Variants in RAP2B observed in about 807,000 individuals in gnomAD.
The protein encoded by RAP2B is ras-related protein Rap-2b.
A neutral mutation model predicts 14.4 loss-of-function variants in RAP2B; 6 were observed. That is an observed-to-expected ratio of 0.42 (90% CI 0.23 to 0.82). The LOEUF (loss-of-function observed/expected upper bound fraction) is 0.82. Among genes scored for constraint, RAP2B ranks in the 40% least tolerant of loss-of-function variants. The pLI is 0.30. For synonymous variants in RAP2B, 118 were observed against 113.2 expected (o/e 1.04, Z -0.27); for missense variants, 137 against 248.2 (o/e 0.55, Z 3.01).
In RAP2B at chr3:153,165,183, T is replaced by C. The variant is rs974462218; in HGVS notation, c.*1938T>C. On this transcript the variant is annotated 3_prime_UTR_variant, in exon 1 of 1. Transcript: ENST00000323534. Reference sequence around the variant, plus strand: ...AAGATGGTTTTCAATTCTGAAGTTATACCTAGTGATGTTTTTTGCAGTACA... The same window carrying C: ...AAGATGGTTTTCAATTCTGAAGTTACACCTAGTGATGTTTTTTGCAGTACA... The C allele has an allele frequency of 3.0e-5, 5 of 167,106 alleles. No individual in the cohort carries two copies. Among genetic ancestry groups the C allele is most frequent in the Non-Finnish European group, 5.9e-5 (4 of 68,130 alleles). The allele number at this position is 167,106 out of a possible 1,614,324, so 10.4% of individuals were successfully genotyped here. A position where few individuals can be genotyped will look rare whatever the true frequency, so the allele number is the denominator to read the frequency against.
Position 153,170,462 on chromosome 3 carries a change from G to A in RAP2B, c.*7217G>A, listed in dbSNP as rs1014713718. On this transcript the variant is annotated 3_prime_UTR_variant, in exon 1 of 1. Transcript: ENST00000323534. ...TTTTCACTATAATCTGTGAAATAGT[G>A]TATATTAAACAATAATAGTATATGG... The A allele has an allele frequency of 3.3e-5, 5 of 152,182 alleles. No homozygotes were observed. Among genetic ancestry groups the A allele is most frequent in the Admixed American group, 1.3e-4 (2 of 15,282 alleles). 9.4% of individuals were successfully genotyped at this position (152,182 alleles called of 1,614,324 possible). A position where few individuals can be genotyped will look rare whatever the true frequency, so the allele number is the denominator to read the frequency against.
chr3:153,162,900 C>T lies in RAP2B; in HGVS notation c.207C>T (p.Asp69=), dbSNP rs368395022. ...AGTEQFASMR[D]LYIKNGQGFI... The stretch of plus-strand genomic sequence containing the variant: ...CCGAGCAGTTCGCGTCCATGCGGGA[C>T]CTGTACATCAAGAACGGCCAGGGCT... The change falls in exon 1 of 1, where the codon GAC becomes GAT. Residue 69 remains aspartate (D), a synonymous_variant. Transcript: ENST00000323534. The surrounding 1 kb of genome is among the most constrained non-coding windows in gnomAD (Gnocchi z 4.9). 99 of 1,614,042 alleles carry T rather than the reference C, an allele frequency of 6.1e-5. No individual in the cohort carries two copies. The East Asian group carries it at 1.0e-3, about 17-fold the overall frequency.
In RAP2B at chr3:153,164,529, AG is replaced by A. The variant is rs1265983584; in HGVS notation, c.*1286del. ...TTTGCTTCATTTTGTTTAAATTTTC[AG>A]GTATTTAGCTCCCCTTTCATATTAT... On this transcript the variant is annotated 3_prime_UTR_variant, in exon 1 of 1. Transcript: ENST00000323534. The A allele has an allele frequency of 1.2e-5, 2 of 166,900 alleles. No individual in the cohort carries two copies. The highest frequency in any genetic ancestry group is 4.8e-5 in the African/African-American group (2 of 41,360). 10.3% of individuals were successfully genotyped at this position (166,900 alleles called of 1,614,324 possible). A position where few individuals can be genotyped will look rare whatever the true frequency, so the allele number is the denominator to read the frequency against.
rs1181863173 is a variant in RAP2B, at chr3:153,163,234, G to A, written c.541G>A (p.Val181Met). ...CGATGAGGGCTGCTGCTCGGCCTGCGTGATCCTCTGAGGCGGCCACCGCGC... is the reference window on the plus strand; with the variant it reads ...CGATGAGGGCTGCTGCTCGGCCTGCATGATCCTCTGAGGCGGCCACCGCGC... ...NGDEGCCSAC[V>M]IL The change falls in exon 1 of 1, where the codon GTG becomes ATG. Residue 181 changes from valine to methionine, a missense_variant. Coordinates refer to ENST00000323534, the MANE Select transcript of RAP2B (RefSeq NM_002886.4). The A allele has an allele frequency of 6.4e-7, 1 of 1,564,218 alleles. No homozygotes were observed. Among genetic ancestry groups the A allele is most frequent in the East Asian group, 2.3e-5 (1 of 42,574 alleles).
rs1713679810 is a variant in RAP2B at position 153,169,740 on chromosome 3, G to C, written c.*6495G>C. On this transcript the variant is annotated 3_prime_UTR_variant, in exon 1 of 1. Transcript: ENST00000323534. Reference sequence around the variant, plus strand: ...TTACAGGCGTGAGCCACTGCACCCGGCTGAGATGATAATTTTATTTAAAAA... The same window carrying C: ...TTACAGGCGTGAGCCACTGCACCCGCCTGAGATGATAATTTTATTTAAAAA... The C allele has an allele frequency of 6.6e-6, 1 of 152,004 alleles. No individual in the cohort carries two copies. Among genetic ancestry groups the C allele is most frequent in the South Asian group, 2.1e-4 (1 of 4,816 alleles). 9.4% of individuals were successfully genotyped at this position (152,004 alleles called of 1,614,324 possible).
In RAP2B at chr3:153,163,266, C is replaced by G. The variant is rs1360288525; in HGVS notation, c.*21C>G. The G allele has an allele frequency of 2.7e-6, 4 of 1,506,458 alleles. No individual in the cohort carries two copies. The African/African-American group carries it at 4.2e-5, about 16-fold the overall frequency. The allele number at this position is 1,506,458 out of a possible 1,614,324, so 93.3% of individuals were successfully genotyped here. On this transcript the variant is annotated 3_prime_UTR_variant, in exon 1 of 1. Coordinates refer to ENST00000323534, the MANE Select transcript of RAP2B (RefSeq NM_002886.4). ...TCTGAGGCGGCCACCGCGCGCCGGC[C>G]GCGCTCTGCGCACAAAAGCCAAACG...
Position 153,162,535 on chromosome 3 carries a change from T to TGTAGATC in RAP2B, c.-159_-158insGTAGATC. 2 of 834,696 alleles carry TGTAGATC rather than the reference T, an allele frequency of 2.4e-6. No individual in the cohort carries two copies. Among genetic ancestry groups the TGTAGATC allele is most frequent in the Admixed American group, 3.6e-5 (1 of 27,516 alleles). The allele number at this position is 834,696 out of a possible 1,614,324, so 51.7% of individuals were successfully genotyped here. A position where few individuals can be genotyped will look rare whatever the true frequency, so the allele number is the denominator to read the frequency against. Reference sequence around the variant, plus strand: ...CGGCCGGCCCGGCGCCCGGCCTCCGTTCGGTGGTTTCCGCCCTGCGTTCTC... The same window carrying TGTAGATC: ...CGGCCGGCCCGGCGCCCGGCCTCCGTGTAGATCTCGGTGGTTTCCGCCCTGCGTTCTC... On this transcript the variant is annotated 5_prime_UTR_variant, in exon 1 of 1. Transcript: ENST00000323534. The surrounding 1 kb of genome is among the most constrained non-coding windows in gnomAD (Gnocchi z 4.9).
rs1713429323 is a variant in RAP2B, at chr3:153,162,478, C to T, written c.-216C>T. The T allele has an allele frequency of 2.3e-6, 1 of 431,812 alleles. No homozygotes were observed. Among genetic ancestry groups the T allele is most frequent in the South Asian group, 5.5e-5 (1 of 18,068 alleles). 26.7% of individuals were successfully genotyped at this position (431,812 alleles called of 1,614,324 possible). A position where few individuals can be genotyped will look rare whatever the true frequency, so the allele number is the denominator to read the frequency against. On this transcript the variant is annotated 5_prime_UTR_variant, in exon 1 of 1. Coordinates refer to ENST00000323534, the MANE Select transcript of RAP2B (RefSeq NM_002886.4). The surrounding 1 kb of genome is among the most constrained non-coding windows in gnomAD (Gnocchi z 4.9). ...GCCGCGGACTGCTGCGGGGCCCGGA[C>T]CCGCACCCCAGGGATACGCTGCCGC...
At position 153,170,483 on chromosome 3, in the gene RAP2B, T is replaced by A. The variant is rs972881112; in HGVS notation, c.*7238T>A. On this transcript the variant is annotated 3_prime_UTR_variant, in exon 1 of 1. Coordinates refer to ENST00000323534, the MANE Select transcript of RAP2B (RefSeq NM_002886.4). ...TAGTGTATATTAAACAATAATAGTA[T>A]ATGGAAAAGCACATCTACATGTGTC... 67 of 152,198 alleles carry A rather than the reference T, an allele frequency of 4.4e-4. No homozygotes were observed. Among genetic ancestry groups the A allele is most frequent in the African/African-American group, 1.6e-3 (66 of 41,454 alleles). The allele number at this position is 152,198 out of a possible 1,614,324, so 9.4% of individuals were successfully genotyped here.
In RAP2B at chr3:153,163,346, G is replaced by A. The variant is rs2108015180; in HGVS notation, c.*101G>A. The A allele has an allele frequency of 1.4e-6, 2 of 1,436,696 alleles. No homozygotes were observed. The highest frequency in any genetic ancestry group is 2.5e-5 in the East Asian group (1 of 40,058). 89.0% of individuals were successfully genotyped at this position (1,436,696 alleles called of 1,614,324 possible). On this transcript the variant is annotated 3_prime_UTR_variant, in exon 1 of 1. Transcript: ENST00000323534. Reference sequence around the variant, plus strand: ...TTGCTTTGAGATTGGAGACCACTTTGCATTGGCCAGGGTGTCTTGGGAGCC... The same window carrying A: ...TTGCTTTGAGATTGGAGACCACTTTACATTGGCCAGGGTGTCTTGGGAGCC...
At position 153,163,278 on chromosome 3, in the gene RAP2B, A is replaced by T. The variant is rs991106181; in HGVS notation, c.*33A>T. ...ACCGCGCGCCGGCCGCGCTCTGCGCACAAAAGCCAAACGCATCCGACTCTC... is the reference window on the plus strand; with the variant it reads ...ACCGCGCGCCGGCCGCGCTCTGCGCTCAAAAGCCAAACGCATCCGACTCTC... On this transcript the variant is annotated 3_prime_UTR_variant, in exon 1 of 1. Coordinates refer to ENST00000323534, the MANE Select transcript of RAP2B (RefSeq NM_002886.4). 1.3e-6 allele frequency: 2 copies of T among 1,497,670 alleles called. No homozygotes were observed. Among genetic ancestry groups the T allele is most frequent in the African/African-American group, 2.8e-5 (2 of 70,918 alleles). The allele number at this position is 1,497,670 out of a possible 1,614,324, so 92.8% of individuals were successfully genotyped here.
Position 153,163,249 on chromosome 3 carries a change from G to A in RAP2B, c.*4G>A, listed in dbSNP as rs1559967712. The stretch of plus-strand genomic sequence containing the variant: ...CTCGGCCTGCGTGATCCTCTGAGGC[G>A]GCCACCGCGCGCCGGCCGCGCTCTG... On this transcript the variant is annotated 3_prime_UTR_variant, in exon 1 of 1. Transcript: ENST00000323534. 5 of 1,528,012 alleles carry A rather than the reference G, an allele frequency of 3.3e-6. No homozygotes were observed. The highest frequency in any genetic ancestry group is 3.5e-6 in the Non-Finnish European group (4 of 1,141,608). The allele number at this position is 1,528,012 out of a possible 1,614,324, so 94.7% of individuals were successfully genotyped here.
Position 153,170,137 on chromosome 3 carries a change from A to G in RAP2B, c.*6892A>G, listed in dbSNP as rs902315280. On this transcript the variant is annotated 3_prime_UTR_variant, in exon 1 of 1. Transcript: ENST00000323534. ...TATGTGAGGTTAAGTTTGTCAGAGG[A>G]TTGAAAACGTGGTTGGTTTATTTGT... is the stretch of plus-strand genomic sequence containing the variant. 1 of 152,218 alleles carries G rather than the reference A, an allele frequency of 6.6e-6. No homozygotes were observed. The highest frequency in any genetic ancestry group is 2.4e-5 in the African/African-American group (1 of 41,448). The allele number at this position is 152,218 out of a possible 1,614,324, so 9.4% of individuals were successfully genotyped here. A position where few individuals can be genotyped will look rare whatever the true frequency, so the allele number is the denominator to read the frequency against.
Position 153,163,464 on chromosome 3 carries a change from C to G in RAP2B, c.*219C>G. 1 of 612,028 alleles carries G rather than the reference C, an allele frequency of 1.6e-6. No individual in the cohort carries two copies. Among genetic ancestry groups the G allele is most frequent in the Non-Finnish European group, 2.8e-6 (1 of 351,750 alleles). The allele number at this position is 612,028 out of a possible 1,614,324, so 37.9% of individuals were successfully genotyped here. On this transcript the variant is annotated 3_prime_UTR_variant, in exon 1 of 1. Coordinates refer to ENST00000323534, the MANE Select transcript of RAP2B (RefSeq NM_002886.4). ...ATCCGATACTCTGGTGGAAATGTGGCTCTTTGCAGCATGTACGTTTCTCCC... is the reference window on the plus strand; with the variant it reads ...ATCCGATACTCTGGTGGAAATGTGGGTCTTTGCAGCATGTACGTTTCTCCC...
In RAP2B at chr3:153,167,934, A is replaced by AT. The variant is rs1471555424; in HGVS notation, c.*4693dup. ...TTCTCTTCAACATTAAAAAACAAAGATTTTAAGTTTTCATGGCAAGGGTTC... is the reference window on the plus strand; with the variant it reads ...TTCTCTTCAACATTAAAAAACAAAGATTTTTAAGTTTTCATGGCAAGGGTTC... On this transcript the variant is annotated 3_prime_UTR_variant, in exon 1 of 1. Coordinates refer to ENST00000323534, the MANE Select transcript of RAP2B (RefSeq NM_002886.4). 1.2e-5 allele frequency: 2 copies of AT among 167,050 alleles called. No individual in the cohort carries two copies. Among genetic ancestry groups the AT allele is most frequent in the African/African-American group, 4.8e-5 (2 of 41,450 alleles). The allele number at this position is 167,050 out of a possible 1,614,324, so 10.3% of individuals were successfully genotyped here. A position where few individuals can be genotyped will look rare whatever the true frequency, so the allele number is the denominator to read the frequency against.
Position 153,163,216 on chromosome 3 carries a change from G to C in RAP2B, c.523G>C (p.Gly175Arg). 6.3e-7 allele frequency: 1 copy of C among 1,583,592 alleles called. No homozygotes were observed. Among genetic ancestry groups the C allele is most frequent in the Non-Finnish European group, 8.6e-7 (1 of 1,165,612 alleles). The change falls in exon 1 of 1, where the codon GGC becomes CGC. Residue 175 changes from glycine to arginine, a missense_variant. Physicochemically the swap from Gly to Arg is moderately radical, Grantham distance 125 (BLOSUM62 -2). Coordinates refer to ENST00000323534, the MANE Select transcript of RAP2B (RefSeq NM_002886.4). ...CGCGGCGCAGCCCAACGGCGATGAG[G>C]GCTGCTGCTCGGCCTGCGTGATCCT... ...NYAAQPNGDE[G>R]CCSACVIL is the part of the protein sequence containing the mutation.
At position 153,168,138 on chromosome 3, in the gene RAP2B, C is replaced by T. The variant is rs1042423567; in HGVS notation, c.*4893C>T. ...AAACTGTGTATCTTGCAGCTTCTTT[C>T]GTTATGCATCTTAATTCCCTCAGAA... On this transcript the variant is annotated 3_prime_UTR_variant, in exon 1 of 1. Transcript: ENST00000323534. The T allele has an allele frequency of 2.4e-5, 4 of 166,960 alleles. No individual in the cohort carries two copies. The highest frequency in any genetic ancestry group is 2.1e-4 in the South Asian group (1 of 4,832). 10.3% of individuals were successfully genotyped at this position (166,960 alleles called of 1,614,324 possible). A position where few individuals can be genotyped will look rare whatever the true frequency, so the allele number is the denominator to read the frequency against.
rs61730110 is a variant in RAP2B, at chr3:153,162,771, C to T, written c.78C>T (p.Gly26=). The T allele has an allele frequency of 7.5e-3, 12,138 of 1,614,030 alleles. 784 individuals are homozygous for T. In the African/African-American group the frequency reaches 0.14, roughly 19 times the overall value. ...KSALTVQFVT[G]SFIEKYDPTI... ...CGCTCACCGTGCAGTTCGTGACGGG[C>T]TCCTTCATCGAGAAGTACGACCCGA... Residue 26 remains glycine (G), a synonymous_variant, in exon 1 of 1, where the codon GGC becomes GGT. Transcript: ENST00000323534. The surrounding 1 kb of genome is among the most constrained non-coding windows in gnomAD (Gnocchi z 4.9).
Position 153,167,922 on chromosome 3 carries a change from T to A in RAP2B, c.*4677T>A, listed in dbSNP as rs762283818. ...ACTTTATTTGTCTTCTCTTCAACATTAAAAAACAAAGATTTTAAGTTTTCA... is the reference window on the plus strand; with the variant it reads ...ACTTTATTTGTCTTCTCTTCAACATAAAAAAACAAAGATTTTAAGTTTTCA... On this transcript the variant is annotated 3_prime_UTR_variant, in exon 1 of 1. Coordinates refer to ENST00000323534, the MANE Select transcript of RAP2B (RefSeq NM_002886.4). 22 of 166,960 alleles carry A rather than the reference T, an allele frequency of 1.3e-4. No individual in the cohort carries two copies. Among genetic ancestry groups the A allele is most frequent in the Admixed American group, 2.0e-4 (3 of 15,276 alleles). 10.3% of individuals were successfully genotyped at this position (166,960 alleles called of 1,614,324 possible).
Sources: allele counts gnomAD v4.1 joint callset, GRCh38; gene constraint gnomAD v4.1.1; non-coding constraint Gnocchi (gnomAD v3.1); transcripts MANE v1.5; gene names NCBI Gene and HGNC (gene_info 2026-07-23, HGNC 2026-07-21).